VSNL1: variants seen among roughly 807,000 people sequenced by gnomAD.
VSNL1 encodes visinin-like protein 1.
A neutral mutation model predicts 20.4 loss-of-function variants in VSNL1; 6 were observed. The observed-to-expected ratio is 0.29, with a 90% CI of 0.16 to 0.58. The LOEUF (loss-of-function observed/expected upper bound fraction) is 0.58, where lower values mean the gene tolerates loss of function less well. Among genes scored for constraint, VSNL1 ranks in the 20% least tolerant of loss-of-function variants. The pLI is 0.90. For synonymous variants in VSNL1, 93 were observed against 86.4 expected (o/e 1.08, Z -0.42); for missense variants, 100 against 234.5 (o/e 0.43, Z 3.75).
intron 3 of VSNL1, among the ~76,000 whole-genome samples, chr2:17,654,257 G>A (rs1666178922): frequency 6.6e-6 from 1 of 152,242 alleles, no homozygotes; most frequent in Non-Finnish European, 1.5e-5. Flanking sequence ...TTCATATCAA[G>A]AATTAATTGT....
At chr2:17,639,695 G>A (rs998276413) in intron 2 of VSNL1, among the ~76,000 whole-genome samples, 8 of 151,984 alleles carry the variant, frequency 5.3e-5, no homozygotes, top group African/African-American at 1.7e-4. Flanking sequence ...ATCTTTCATC[G>A]GCTGAATACC....
intron 1 of VSNL1, among the ~76,000 whole-genome samples, chr2:17,578,317 G>A (rs1664265954): frequency 6.6e-6 from 1 of 152,188 alleles, no homozygotes; most frequent in Admixed American, 6.5e-5. Context: ...TTTGGATTCT[G>A]CCATGGTTAC....
At chr2:17,645,322 G>T (rs1665969558) in intron 2 of VSNL1, among the ~76,000 whole-genome samples, 1 of 152,256 alleles carries the variant, frequency 6.6e-6, no homozygotes, top group Admixed American at 6.5e-5. Flanking sequence ...CCACCCAAAG[G>T]TTGGGCTGGA....
At position 17,648,332 on chromosome 2, in the gene VSNL1, A is replaced by G. The variant is rs183534921; in HGVS notation, c.163-1078A>G. Among the ~76,000 whole-genome samples the G allele has an allele frequency of 5.9e-5, 9 of 152,218 alleles. No individual in the cohort carries two copies. In the South Asian group the frequency reaches 6.2e-4, roughly 11 times the overall value. On this transcript the variant is annotated intron_variant, in intron 2 of 3. Coordinates refer to ENST00000295156, the MANE Select transcript of VSNL1 (RefSeq NM_003385.5). ...AGGACCCAGGTCAGGATGCACAGTG[A>G]GAAAGACGGACCGAGGGCTCCTCGA...
At chr2:17,619,889 C>G (rs997578789) in intron 2 of VSNL1, among the ~76,000 whole-genome samples, 4 of 150,578 alleles carry the variant, frequency 2.7e-5, no homozygotes, top group Non-Finnish European at 4.4e-5. Context: ...AATCCCCCCC[C>G]AAAAGGCCCC....
chr2:17,639,666 TAAC>T (rs1405429638), intron 2 of VSNL1, among the ~76,000 whole-genome samples: 3 of 152,170 alleles, frequency 2.0e-5, no homozygotes, highest in Admixed American at 6.5e-5. Flanking sequence ...ACTAAAATAA[TAAC>T]AACAATAATA....
intron 2 of VSNL1, among the ~76,000 whole-genome samples, chr2:17,637,971 A>T (rs1665793281): frequency 6.6e-6 from 1 of 152,122 alleles, no homozygotes; most frequent in African/African-American, 2.4e-5. Context: ...CTCTCTAAGC[A>T]ACTTGGACTA....
At chr2:17,567,969 C>T (rs547564861) in intron 1 of VSNL1, among the ~76,000 whole-genome samples, 47 of 151,792 alleles carry the variant, frequency 3.1e-4, no homozygotes, top group Non-Finnish European at 6.2e-4. Flanking sequence ...GGTATTTTAC[C>T]TCTCTTTTCA....
intron 2 of VSNL1, among the ~76,000 whole-genome samples, chr2:17,609,617 C>T (rs573600307): frequency 6.6e-6 from 1 of 152,202 alleles, no homozygotes; most frequent in Non-Finnish European, 1.5e-5. Context: ...AATGGACTCA[C>T]TCTGTATGCT....
chr2:17,598,965 G>A (rs1311946303), intron 2 of VSNL1, among the ~76,000 whole-genome samples: 1 of 152,168 alleles, frequency 6.6e-6, no homozygotes, highest in Non-Finnish European at 1.5e-5. Flanking sequence ...CACCAATCAA[G>A]CTTTATTTTG....
intron 2 of VSNL1, among the ~76,000 whole-genome samples, chr2:17,614,280 T>A (rs565745230): frequency 6.6e-6 from 1 of 152,254 alleles, no homozygotes; most frequent in Non-Finnish European, 1.5e-5. Flanking sequence ...TTGCCTGTCA[T>A]CCCCAGTTGG....
intron 1 of VSNL1, among the ~76,000 whole-genome samples, chr2:17,583,961 T>C (rs1043409443): frequency 6.6e-6 from 1 of 152,198 alleles, no homozygotes; most frequent in African/African-American, 2.4e-5. Flanking sequence ...TAGTTACTGT[T>C]TTTTGGACAC....
chr2:17,631,599 T>G (rs1276993502), intron 2 of VSNL1, among the ~76,000 whole-genome samples: 1 of 152,208 alleles, frequency 6.6e-6, no homozygotes, highest in Admixed American at 6.5e-5. Context: ...ATTTTATAAA[T>G]AAAACACTTT....
intron 2 of VSNL1, among the ~76,000 whole-genome samples, chr2:17,645,923 T>TCAGCAG (rs2103426641): frequency 6.6e-6 from 1 of 152,316 alleles, no homozygotes; most frequent in Admixed American, 6.5e-5. Flanking sequence ...CAATGAATTG[T>TCAGCAG]CAGCAGCCTG....
intron 2 of VSNL1, among the ~76,000 whole-genome samples, chr2:17,607,625 A>G (rs968059974): frequency 6.6e-6 from 1 of 152,240 alleles, no homozygotes; most frequent in Non-Finnish European, 1.5e-5. Context: ...GCCTGTCCCT[A>G]TAGCACAGGT....
At chr2:17,589,305 G>C (rs1289559402) in intron 1 of VSNL1, among the ~76,000 whole-genome samples, 1 of 152,304 alleles carries the variant, frequency 6.6e-6, no homozygotes, top group African/African-American at 2.4e-5. Flanking sequence ...ATATAAGTAG[G>C]CAGGACCTGA....
chr2:17,541,864 G>A (rs1663291793), intron 1 of VSNL1, among the ~76,000 whole-genome samples: 1 of 152,194 alleles, frequency 6.6e-6, no homozygotes, highest in Non-Finnish European at 1.5e-5. Flanking sequence ...AGCGAGGAGA[G>A]GCTGATGCTC....
intron 2 of VSNL1, among the ~76,000 whole-genome samples, chr2:17,622,177 C>T (rs1010708395): frequency 1.3e-5 from 2 of 150,374 alleles, no homozygotes; most frequent in African/African-American, 4.9e-5. Flanking sequence ...AATTTTACCT[C>T]TGAACATGAA....
rs2103430291 is a variant in VSNL1, at chr2:17,649,513, T to C, written c.266T>C (p.Leu89Pro). 2 of 1,614,204 alleles carry C rather than the reference T, an allele frequency of 1.2e-6. No individual in the cohort carries two copies. The highest frequency in any genetic ancestry group is 1.1e-5 in the South Asian group (1 of 91,084). Residue 89 changes from leucine to proline, a missense_variant, in exon 3 of 4, where the codon CTG becomes CCG. Leu to Pro is a moderately conservative substitution (Grantham distance 98). Coordinates refer to ENST00000295156, the MANE Select transcript of VSNL1 (RefSeq NM_003385.5). This position sits in a 1 kb window ranked among gnomAD's most constrained non-coding sequence, Gnocchi z 6.4. ...TIDFREFICA[L>P]SITSRGSFEQ... ...GACTTCCGAGAGTTCATCTGCGCTC[T>C]GTCCATCACCTCCAGGGGCAGCTTT...
Sources: allele counts gnomAD v4.1 joint callset (sites outside exome capture counted in the v4.1 genomes callset), GRCh38; gene constraint gnomAD v4.1.1; non-coding constraint Gnocchi (gnomAD v3.1); transcripts MANE v1.5; gene names NCBI Gene and HGNC (gene_info 2026-07-23, HGNC 2026-07-21).